The following PCDHA1 variants were observed in gnomAD, a reference collection of about 807,000 sequenced individuals.
The protein encoded by PCDHA1 is protocadherin alpha-1.
In PCDHA1, 42 loss-of-function variants were observed where a neutral mutation model predicts 61.3. That is an observed-to-expected ratio of 0.69 (90% CI 0.54 to 0.89). PCDHA1 has a LOEUF of 0.89. PCDHA1 is among the 40% of genes least tolerant of loss of function. The pLI is 0.00. For missense variants in PCDHA1, 1,256 were observed against 1,235.3 expected, an observed-to-expected ratio of 1.02 and a Z score of -0.25; for synonymous variants, 610 against 553.8, an observed-to-expected ratio of 1.10 and a Z score of -1.43.
rs782226179 is a variant in PCDHA1 at position 140,803,318 on chromosome 5, G to A, written c.2394+14634G>A. 3.1e-6 allele frequency: 5 copies of A among 1,614,152 alleles called. No individual in the cohort carries two copies. The Admixed American group carries it at 8.3e-5, about 27-fold the overall frequency. Reference sequence around the variant, plus strand: ...ACTTGATCGTCGCCATCTGCGCGGTGTCCAGTCTGTTGGTGCTCACACTGC... The same window carrying A: ...ACTTGATCGTCGCCATCTGCGCGGTATCCAGTCTGTTGGTGCTCACACTGC... On this transcript the variant is annotated intron_variant, in intron 1 of 3. Coordinates refer to ENST00000504120, the MANE Select transcript of PCDHA1 (RefSeq NM_018900.4).
At chr5:140,869,325 T>C in intron 1 of PCDHA1, 2 of 1,613,866 alleles carry the variant, frequency 1.2e-6, no homozygotes, top group Non-Finnish European at 1.7e-6. Flanking sequence ...ATGGGGACCT[T>C]CTGGAGGTAA....
At chr5:140,850,291 C>T (rs782425750) in intron 1 of PCDHA1, 1 of 1,596,090 alleles carries the variant, frequency 6.3e-7, no homozygotes, top group African/African-American at 1.3e-5. Flanking sequence ...GCAGTGGACG[C>T]CGACTCGGGC....
chr5:140,862,833 G>A (rs868966696), intron 1 of PCDHA1: 1 of 575,582 alleles, frequency 1.7e-6, no homozygotes, highest in Non-Finnish European at 3.3e-6. Flanking sequence ...CGCGCGACGC[G>A]GGCATGCCGC....
At chr5:140,818,598 G>A (rs1262716925) in intron 1 of PCDHA1, among the ~76,000 whole-genome samples, 4 of 152,138 alleles carry the variant, frequency 2.6e-5, no homozygotes, top group Admixed American at 2.6e-4. Flanking sequence ...ACACCTGTGT[G>A]GGCCATGACA....
chr5:141,010,368 C>T lies in PCDHA1; in HGVS notation c.*431C>T, dbSNP rs368481822. ...GGTATGTGTGGCTACCGCGGGTATG[C>T]GAGTGCCAGATATTGGCTGAGACGA... On this transcript the variant is annotated 3_prime_UTR_variant, in exon 4 of 4. Coordinates refer to ENST00000504120, the MANE Select transcript of PCDHA1 (RefSeq NM_018900.4). The T allele has an allele frequency of 8.2e-6, 12 of 1,470,936 alleles. No homozygotes were observed. The East Asian group carries it at 1.7e-4, about 21-fold the overall frequency. 91.1% of individuals were successfully genotyped at this position (1,470,936 alleles called of 1,614,324 possible). A position where few individuals can be genotyped will look rare whatever the true frequency, so the allele number is the denominator to read the frequency against.
chr5:140,803,234 G>A (rs34395025), intron 1 of PCDHA1: 10 of 1,613,694 alleles, frequency 6.2e-6, no homozygotes, highest in Admixed American at 1.7e-5. Flanking sequence ...CCAAGGCCTC[G>A]TCCCAGGCGT....
chr5:140,843,511 C>G (rs1554140155), intron 1 of PCDHA1: 1 of 1,595,670 alleles, frequency 6.3e-7, no homozygotes, highest in Non-Finnish European at 8.6e-7. Context: ...CCACTGAGGG[C>G]GGGTGCCGGG....
At chr5:140,790,665 A>C (rs1382982908) in intron 1 of PCDHA1, among the ~76,000 whole-genome samples, 1 of 152,222 alleles carries the variant, frequency 6.6e-6, no homozygotes, top group Admixed American at 6.5e-5. Context: ...AAAATCACAA[A>C]ATAATTTCTC....
At chr5:140,834,683 G>C (rs2150224219) in intron 1 of PCDHA1, 51 of 1,614,138 alleles carry the variant, frequency 3.2e-5, no homozygotes, top group Non-Finnish European at 4.1e-5. Context: ...GGCGGAGCGC[G>C]GAGTGCAGCA....
At chr5:140,870,557 A>G (rs1554164412) in intron 1 of PCDHA1, 5 of 1,613,906 alleles carry the variant, frequency 3.1e-6, no homozygotes, top group African/African-American at 2.7e-5. Context: ...GACGCGCAGG[A>G]GAACGCGCTG....
chr5:140,995,606 C>G (rs532220927), intron 3 of PCDHA1, among the ~76,000 whole-genome samples: 30 of 152,102 alleles, frequency 2.0e-4, no homozygotes, highest in Non-Finnish European at 3.7e-4. Context: ...TTTTTCTTCT[C>G]CCAAACCAAA....
At chr5:140,869,861 AAAATGCTGCT>A in intron 1 of PCDHA1, 1 of 1,610,746 alleles carries the variant, frequency 6.2e-7, no homozygotes, top group Admixed American at 1.7e-5. Flanking sequence ...AGCCTTATGG[AAAATGCTGCT>A]AAAGAAACTC....
chr5:140,886,455 A>G (rs1554182545), intron 1 of PCDHA1, among the ~76,000 whole-genome samples: 1 of 152,186 alleles, frequency 6.6e-6, no homozygotes, highest in African/African-American at 2.4e-5. Flanking sequence ...ATTTTGTCAT[A>G]TATAAATGTT....
intron 1 of PCDHA1, among the ~76,000 whole-genome samples, chr5:140,925,385 C>G (rs559735505): frequency 6.4e-4 from 97 of 152,144 alleles, no homozygotes; most frequent in Non-Finnish European, 1.2e-3. Context: ...AATGAGTCTC[C>G]TTTTGGCTCG....
intron 1 of PCDHA1, chr5:140,856,667 C>T: frequency 6.3e-7 from 1 of 1,597,938 alleles, no homozygotes; most frequent in Non-Finnish European, 8.6e-7. Context: ...AAATCCTCAG[C>T]TAAAGTTGTT....
At chr5:140,803,043 G>C (rs142788061) in intron 1 of PCDHA1, 10 of 1,613,896 alleles carry the variant, frequency 6.2e-6, no homozygotes, top group Non-Finnish European at 8.5e-6. Context: ...GCCTGGGACC[G>C]GCGGTGCGCG....
intron 1 of PCDHA1, chr5:140,859,527 A>T (rs1435954408): frequency 5.2e-6 from 1 of 191,864 alleles, no homozygotes; most frequent in African/African-American, 2.4e-5. Flanking sequence ...TTTTAAAAAA[A>T]ATTTATTAAT....
At chr5:140,841,405 C>G (rs2150314710) in intron 1 of PCDHA1, 2 of 1,612,994 alleles carry the variant, frequency 1.2e-6, no homozygotes, top group African/African-American at 1.3e-5. Context: ...AGGTGGGGAG[C>G]GGCCAGCTCC....
chr5:140,849,959 C>A (rs527334652), intron 1 of PCDHA1: 1 of 1,597,764 alleles, frequency 6.3e-7, no homozygotes, highest in African/African-American at 1.3e-5. Flanking sequence ...AGGAGAACGC[C>A]CTGGTGTCCT....
Sources: allele counts gnomAD v4.1 joint callset (sites outside exome capture counted in the v4.1 genomes callset), GRCh38; gene constraint gnomAD v4.1.1; transcripts MANE v1.5; gene names NCBI Gene and HGNC (gene_info 2026-07-23, HGNC 2026-07-21).